Variants in MYT1L observed in about 807,000 individuals in gnomAD.
MYT1L encodes myelin transcription factor 1 like.
In MYT1L, 12 loss-of-function variants were observed where a neutral mutation model predicts 126.7. The ratio of observed to expected loss-of-function variants is 0.09; its 90% confidence interval spans 0.06 to 0.15. The LOEUF is 0.15. Among genes scored for constraint, MYT1L ranks in the 10% least tolerant of loss-of-function variants. MYT1L has a pLI of 1.00. For missense variants in MYT1L, 979 were observed against 1,585.2 expected (o/e 0.62, Z 6.49); for synonymous variants, 541 against 604.2 (o/e 0.90, Z 1.53).
At chr2:2,151,512 C>T (rs773128425) in intron 3 of MYT1L, among the ~76,000 whole-genome samples, 3 of 151,938 alleles carry the variant, frequency 2.0e-5, no homozygotes, top group African/African-American at 4.8e-5. Context: ...GAAGCTGAGT[C>T]CAGCATTGAA....
intron 3 of MYT1L, among the ~76,000 whole-genome samples, chr2:2,167,162 G>A (rs1210340827): frequency 6.6e-6 from 1 of 152,210 alleles, no homozygotes; most frequent in African/African-American, 2.4e-5. Flanking sequence ...ACAGGCATTA[G>A]TGTGTGTAAC....
At chr2:2,097,151 C>T (rs1404958214) in intron 3 of MYT1L, among the ~76,000 whole-genome samples, 2 of 152,166 alleles carry the variant, frequency 1.3e-5, no homozygotes, top group Non-Finnish European at 2.9e-5. Flanking sequence ...TTCATTGCTC[C>T]GTGGCACTTT....
chr2:1,896,826 C>G (rs1345417545), intron 14 of MYT1L, among the ~76,000 whole-genome samples: 1 of 151,446 alleles, frequency 6.6e-6, no homozygotes, highest in African/African-American at 2.4e-5. Context: ...AATGCTACCT[C>G]TATGTGACAA....
At chr2:1,792,109 T>C in intron 24 of MYT1L, 102 bp from the exon 25 acceptor site, 1 of 1,217,094 alleles carries the variant, frequency 8.2e-7, no homozygotes, top group Non-Finnish European at 1.1e-6. Context: ...CCTGGTTTTA[T>C]ACTATTTCAA....
chr2:2,053,287 GA>G (rs2069069118), intron 4 of MYT1L, among the ~76,000 whole-genome samples: 1 of 152,182 alleles, frequency 6.6e-6, no homozygotes. Context: ...GTTTAACGGG[GA>G]CAGGGTTTCA....
At chr2:1,825,626 G>T (rs4074975) in intron 21 of MYT1L, 5 of 152,190 alleles carry the variant, frequency 3.3e-5, no homozygotes, top group African/African-American at 1.2e-4. Context: ...TAAAAGATCA[G>T]GTTCCCCATC....
chr2:2,107,599 GT>G (rs144097801), intron 3 of MYT1L, among the ~76,000 whole-genome samples: 8 of 149,926 alleles, frequency 5.3e-5, no homozygotes, highest in South Asian at 4.2e-4. Context: ...TTTTTACGGA[GT>G]TTTTTTTTTA....
At chr2:2,270,687 A>G (rs867851207) in intron 2 of MYT1L, among the ~76,000 whole-genome samples, 85 of 152,226 alleles carry the variant, frequency 5.6e-4, no homozygotes, top group African/African-American at 1.7e-3. Context: ...CCATAAAAGG[A>G]CATTAAGGAC....
rs566614565 is a variant in MYT1L, at chr2:1,897,336, G to T, written c.2033-5049C>A. On this transcript the variant is annotated intron_variant, in intron 14 of 24. Coordinates refer to ENST00000647738, the MANE Select transcript of MYT1L (RefSeq NM_001303052.2). ...ACAGCAGGGGGCGCTGCAGAGCAGG[G>T]GCTTCAAATTGAGGGTGCTCTGTTC... 7.2e-5 allele frequency among the ~76,000 whole-genome samples: 11 copies of T among 152,322 alleles called. No homozygotes were observed. In the East Asian group the frequency reaches 1.3e-3, roughly 19 times the overall value.
rs141410821 is a variant in MYT1L at position 2,302,583 on chromosome 2, C to T, written c.-520-18080G>A. Among the ~76,000 whole-genome samples, 830 of 152,208 alleles carry T rather than the reference C, an allele frequency of 5.5e-3. 7 individuals are homozygous for T. Among genetic ancestry groups the T allele is most frequent in the African/African-American group, 0.019 (787 of 41,512 alleles). On this transcript the variant is annotated intron_variant, in intron 1 of 24. Coordinates refer to ENST00000647738, the MANE Select transcript of MYT1L (RefSeq NM_001303052.2). ...TGCTGATATATGCACATTCCTGTGGCGGATGTCTGCTTACAATGAACAATG... is the reference window on the plus strand; with the variant it reads ...TGCTGATATATGCACATTCCTGTGGTGGATGTCTGCTTACAATGAACAATG...
intron 5 of MYT1L, among the ~76,000 whole-genome samples, chr2:1,985,587 T>C (rs1005357903): frequency 6.6e-6 from 1 of 152,192 alleles, no homozygotes; most frequent in Non-Finnish European, 1.5e-5. Context: ...TTCAAAAATG[T>C]TTAAACAGAG....
intron 20 of MYT1L, among the ~76,000 whole-genome samples, chr2:1,839,573 CAGA>C (rs2041377373): frequency 6.6e-6 from 1 of 152,218 alleles, no homozygotes; most frequent in Admixed American, 6.5e-5. Context: ...TTCCCCTGCG[CAGA>C]AGGCCTGACC....
intron 1 of MYT1L, among the ~76,000 whole-genome samples, chr2:2,307,066 G>T (rs1384168339): frequency 2.6e-5 from 4 of 152,170 alleles, no homozygotes; most frequent in Admixed American, 2.6e-4. Flanking sequence ...CATTGCAGAA[G>T]TAACAGTGTG....
intron 2 of MYT1L, among the ~76,000 whole-genome samples, chr2:2,280,945 T>C (rs555572768): frequency 1.5e-4 from 23 of 152,306 alleles, no homozygotes; most frequent in Admixed American, 3.9e-4. Flanking sequence ...GGGGACACAC[T>C]AGGTTTTCCA....
intron 1 of MYT1L, among the ~76,000 whole-genome samples, chr2:2,298,885 G>A (rs1030594228): frequency 3.3e-5 from 5 of 151,862 alleles, no homozygotes; most frequent in South Asian, 2.1e-4. Flanking sequence ...ACAGTGTCTC[G>A]CTGTGTCCCC....
chr2:1,821,923 C>T (rs2038591903), intron 21 of MYT1L, among the ~76,000 whole-genome samples: 1 of 152,208 alleles, frequency 6.6e-6, no homozygotes. Flanking sequence ...TCTAGCTTAT[C>T]CTTCTGCCGG....
chr2:1,841,868 GGA>G (rs1171020350), intron 19 of MYT1L: 4 of 152,200 alleles, frequency 2.6e-5, no homozygotes, highest in Non-Finnish European at 5.9e-5. Flanking sequence ...CCTGCAGACG[GGA>G]GAGTGGGAGC....
intron 18 of MYT1L, among the ~76,000 whole-genome samples, chr2:1,874,000 C>T (rs2046565350): frequency 6.6e-6 from 1 of 151,950 alleles, no homozygotes; most frequent in South Asian, 2.1e-4. Flanking sequence ...TTCTATGGGA[C>T]AGGGCACGAA....
chr2:2,275,133 C>T (rs1030112005), intron 2 of MYT1L, among the ~76,000 whole-genome samples: 1 of 151,106 alleles, frequency 6.6e-6, no homozygotes, highest in Admixed American at 6.6e-5. Context: ...GACACTGAGC[C>T]AGGTCTTGGA....
Sources: allele counts gnomAD v4.1 joint callset (sites outside exome capture counted in the v4.1 genomes callset), GRCh38; gene constraint gnomAD v4.1.1; transcripts MANE v1.5; gene names NCBI Gene and HGNC (gene_info 2026-07-23, HGNC 2026-07-21).